The following SPRED2 variants were observed in gnomAD, a reference collection of about 807,000 sequenced individuals.
SPRED2 encodes the protein sprouty related EVH1 domain containing 2.
SPRED2 carries 47 observed loss-of-function variants against 43.0 expected under a neutral mutation model. The observed-to-expected ratio is 1.09, with a 90% CI of 0.87 to 1.40. The LOEUF (loss-of-function observed/expected upper bound fraction) is 1.40, where lower values mean the gene tolerates loss of function less well. SPRED2 is among the 40% of genes most tolerant of loss of function. The probability of loss-of-function intolerance (pLI) is 0.00; values close to 1 mark genes in which losing one functional copy is unlikely to be tolerated. For missense variants in SPRED2, 561 were observed against 586.4 expected (o/e 0.96, Z 0.45); for synonymous variants, 225 against 225.7 (o/e 1.00, Z 0.03).
intron 4 of SPRED2, among the ~76,000 whole-genome samples, chr2:65,322,213 T>C (rs1229525316): frequency 7.0e-6 from 1 of 141,860 alleles, no homozygotes; most frequent in African/African-American, 2.6e-5. Context: ...TCACAAAAGA[T>C]AGTTTGGTCT....
Position 65,432,127 on chromosome 2 carries a change from G to T in SPRED2, c.-140C>A. ...GGCGGCTAGAGATGAAGAGGGCGCC[G>T]CAGCAGAAGGGGAAGCAGGGCGCGG... On this transcript the variant is annotated 5_prime_UTR_variant, in exon 1 of 6. Transcript: ENST00000356388. 1 of 1,072,456 alleles carries T rather than the reference G, an allele frequency of 9.3e-7. No homozygotes were observed. Among genetic ancestry groups the T allele is most frequent in the Non-Finnish European group, 1.4e-6 (1 of 722,366 alleles). 66.4% of individuals were successfully genotyped at this position (1,072,456 alleles called of 1,614,324 possible).
chr2:65,386,609 T>A (rs905701419), intron 1 of SPRED2, among the ~76,000 whole-genome samples: 4 of 152,236 alleles, frequency 2.6e-5, no homozygotes, highest in African/African-American at 9.6e-5. Flanking sequence ...AATGCAATCA[T>A]GAATTTGACA....
At chr2:65,402,926 A>G (rs372094801) in intron 1 of SPRED2, among the ~76,000 whole-genome samples, 13 of 152,360 alleles carry the variant, frequency 8.5e-5, no homozygotes, top group African/African-American at 3.1e-4. Context: ...TGATGAGCAC[A>G]TTTGGTTGAA....
chr2:65,376,791 T>TGCAA (rs1156911018), intron 1 of SPRED2, among the ~76,000 whole-genome samples: 2 of 152,186 alleles, frequency 1.3e-5, no homozygotes, highest in African/African-American at 4.8e-5. Context: ...CTCGGCTCAC[T>TGCAA]GCAAGCTCTG....
chr2:65,404,415 C>T lies in SPRED2; in HGVS notation c.26+27547G>A, dbSNP rs574352702. Among the ~76,000 whole-genome samples the T allele has an allele frequency of 3.3e-5, 5 of 152,298 alleles. No homozygotes were observed. The South Asian group carries it at 1.0e-3, about 32-fold the overall frequency. On this transcript the variant is annotated intron_variant, in intron 1 of 5. Coordinates refer to ENST00000356388, the MANE Select transcript of SPRED2 (RefSeq NM_181784.3). ...ATAAGCGCAAGTATATACTACTTGT[C>T]TATGCCAAACCAAGTTGTTTCAAAA... is the stretch of plus-strand genomic sequence containing the variant.
chr2:65,409,010 C>T (rs1228689004), intron 1 of SPRED2, among the ~76,000 whole-genome samples: 1 of 152,218 alleles, frequency 6.6e-6, no homozygotes, highest in Non-Finnish European at 1.5e-5. Context: ...ATGTCATTTA[C>T]AGATCACCTC....
intron 1 of SPRED2, among the ~76,000 whole-genome samples, chr2:65,418,869 A>AC (rs1553428533): frequency 6.6e-6 from 1 of 151,238 alleles, no homozygotes; most frequent in Non-Finnish European, 1.5e-5. Context: ...ATTTCTTATC[A>AC]TTTTTTTTTA....
At chr2:65,320,585 CCA>C (rs1180737605) in intron 4 of SPRED2, among the ~76,000 whole-genome samples, 1 of 152,156 alleles carries the variant, frequency 6.6e-6, no homozygotes, top group African/African-American at 2.4e-5. Context: ...AGAGGCATGT[CCA>C]CAGTCTACTG....
chr2:65,395,245 G>A (rs1270379142), intron 1 of SPRED2, among the ~76,000 whole-genome samples: 2 of 152,150 alleles, frequency 1.3e-5, no homozygotes, highest in Non-Finnish European at 2.9e-5. Context: ...AACCCTCCAC[G>A]GATTTTGTCT....
intron 3 of SPRED2, among the ~76,000 whole-genome samples, chr2:65,332,459 T>C (rs886215763): frequency 6.6e-6 from 1 of 152,228 alleles, no homozygotes; most frequent in Non-Finnish European, 1.5e-5. Context: ...AAGTGAGACC[T>C]GCCACAATCT....
At chr2:65,416,577 G>GA (rs1268712828) in intron 1 of SPRED2, among the ~76,000 whole-genome samples, 1 of 152,150 alleles carries the variant, frequency 6.6e-6, no homozygotes, top group Non-Finnish European at 1.5e-5. Context: ...AAGCAGAGGG[G>GA]AGGGGGGTCG....
chr2:65,330,337 C>T (rs755280295), intron 4 of SPRED2, among the ~76,000 whole-genome samples: 15 of 152,238 alleles, frequency 9.9e-5, no homozygotes, highest in Non-Finnish European at 2.2e-4. Context: ...TTACAAAAGA[C>T]ACTCCTGGGA....
At chr2:65,342,160 A>G (rs1222970020) in intron 2 of SPRED2, among the ~76,000 whole-genome samples, 1 of 149,254 alleles carries the variant, frequency 6.7e-6, no homozygotes, top group Admixed American at 6.7e-5. Flanking sequence ...TGTATATTTT[A>G]TATACATATA....
intron 1 of SPRED2, among the ~76,000 whole-genome samples, chr2:65,420,173 G>C (rs1006250172): frequency 4.4e-5 from 6 of 134,944 alleles, no homozygotes; most frequent in African/African-American, 1.8e-4. Flanking sequence ...CTGCACCACT[G>C]CATTCCAGCC....
At chr2:65,367,806 A>G (rs1462247194) in intron 1 of SPRED2, among the ~76,000 whole-genome samples, 1 of 152,226 alleles carries the variant, frequency 6.6e-6, no homozygotes. Context: ...GGTTTTGGAA[A>G]TGCTCCATGA....
At chr2:65,361,164 C>T (rs1004959039) in intron 1 of SPRED2, among the ~76,000 whole-genome samples, 1 of 152,186 alleles carries the variant, frequency 6.6e-6, no homozygotes, top group African/African-American at 2.4e-5. Context: ...TACATCACAA[C>T]CCTCCCTTAA....
At chr2:65,421,811 A>G (rs1474547154) in intron 1 of SPRED2, among the ~76,000 whole-genome samples, 1 of 152,216 alleles carries the variant, frequency 6.6e-6, no homozygotes, top group African/African-American at 2.4e-5. Context: ...TTTGCTCAAC[A>G]GTAATATAAA....
intron 1 of SPRED2, 54 bp downstream of exon 1, chr2:65,431,908 G>GC: frequency 6.2e-7 from 1 of 1,604,812 alleles, no homozygotes; most frequent in South Asian, 1.1e-5. Context: ...CTCAGCCCCG[G>GC]CCCCCACGCT....
At position 65,363,005 on chromosome 2, in the gene SPRED2, G is replaced by GTTTTTT. The variant is rs113081105; in HGVS notation, c.27-18115_27-18110dup. Among the ~76,000 whole-genome samples, 914 of 120,638 alleles carry GTTTTTT rather than the reference G, an allele frequency of 7.6e-3. 2 individuals carry two copies. The highest frequency in any genetic ancestry group is 0.012 in the Non-Finnish European group (692 of 58,518). The allele number at this position is 120,638 out of a possible 152,430, so 79.1% of individuals were successfully genotyped here. A position where few individuals can be genotyped will look rare whatever the true frequency, so the allele number is the denominator to read the frequency against. On this transcript the variant is annotated intron_variant, in intron 1 of 5. Coordinates refer to ENST00000356388, the MANE Select transcript of SPRED2 (RefSeq NM_181784.3). ...GCTTTCTCTATGGTCATCATGTTTTGTTTTTTTTTTTTTTTTTTTTTTTTG... is the reference window on the plus strand; with the variant it reads ...GCTTTCTCTATGGTCATCATGTTTTGTTTTTTTTTTTTTTTTTTTTTTTTTTTTTTG...
Sources: allele counts gnomAD v4.1 joint callset (sites outside exome capture counted in the v4.1 genomes callset), GRCh38; gene constraint gnomAD v4.1.1; transcripts MANE v1.5; gene names NCBI Gene and HGNC (gene_info 2026-07-23, HGNC 2026-07-21).